SMG6: variants seen among roughly 807,000 people sequenced by gnomAD.
SMG6 encodes the protein telomerase-binding protein EST1A.
A neutral mutation model predicts 142.2 loss-of-function variants in SMG6; 66 were observed. That is an observed-to-expected ratio of 0.46 (90% confidence interval 0.38 to 0.57). The LOEUF is 0.57. Ranked by LOEUF, SMG6 falls within the 20% of genes least tolerant of loss-of-function variation. The pLI is 0.00. For synonymous variants in SMG6, 779 were observed against 702.4 expected (o/e 1.11, Z -1.72); for missense variants, 1,793 against 1,832.0 (o/e 0.98, Z 0.39).
chr17:2,194,522 C>T lies in SMG6; in HGVS notation c.2870-6007G>A, dbSNP rs192902647. ...TAGAGGTAGAAGAGGGAATGAAAAGCAGTGCACAGATATGAAAATTACCGC... is the reference window on the plus strand; with the variant it reads ...TAGAGGTAGAAGAGGGAATGAAAAGTAGTGCACAGATATGAAAATTACCGC... On this transcript the variant is annotated intron_variant, in intron 10 of 18. Transcript: ENST00000263073. Among the ~76,000 whole-genome samples, 15 of 151,978 alleles carry T rather than the reference C, an allele frequency of 9.9e-5. No homozygotes were observed. The East Asian group carries it at 2.7e-3, about 27-fold the overall frequency.
chr17:2,290,296 G>A (rs935299517), intron 6 of SMG6, among the ~76,000 whole-genome samples: 1 of 152,174 alleles, frequency 6.6e-6, no homozygotes. Context: ...AGAGAGGCCA[G>A]AAATAAACTT....
chr17:2,145,308 A>G (rs2070630614), intron 13 of SMG6, among the ~76,000 whole-genome samples: 1 of 149,134 alleles, frequency 6.7e-6, no homozygotes, highest in African/African-American at 2.5e-5. Flanking sequence ...TCCTCTTAGT[A>G]AAGACAGGGT....
chr17:2,218,895 G>C (rs1370398409), intron 10 of SMG6, among the ~76,000 whole-genome samples: 2 of 152,172 alleles, frequency 1.3e-5, no homozygotes, highest in Non-Finnish European at 2.9e-5. Context: ...GTGGGATATT[G>C]ATAGCGGAGA....
rs566764650 is a variant in SMG6, at chr17:2,285,446, A to C, written c.2338-1711T>G. Among the ~76,000 whole-genome samples the C allele has an allele frequency of 1.4e-4, 22 of 152,368 alleles. 1 individual carries two copies. In the Middle Eastern group the frequency reaches 0.014, roughly 94 times the overall value. On this transcript the variant is annotated intron_variant, in intron 6 of 18. Coordinates refer to ENST00000263073, the MANE Select transcript of SMG6 (RefSeq NM_017575.5). ...TAATTCAAATGACAAAAAGCCATTG[A>C]GGGAATTCAGCACAGTTGCAACATA... is the stretch of plus-strand genomic sequence containing the variant.
Position 2,215,230 on chromosome 17 carries a change from C to T in SMG6, c.2869+21262G>A, listed in dbSNP as rs540505328. ...CATTATAAACACACACACACGCGCG[C>T]GCACACACACACACAGACCTATAAA... is the stretch of plus-strand genomic sequence containing the variant. On this transcript the variant is annotated intron_variant, in intron 10 of 18. Coordinates refer to ENST00000263073, the MANE Select transcript of SMG6 (RefSeq NM_017575.5). Among the ~76,000 whole-genome samples the T allele has an allele frequency of 9.9e-5, 15 of 152,128 alleles. No homozygotes were observed. In the South Asian group the frequency reaches 2.3e-3, roughly 23 times the overall value.
chr17:2,138,086 A>C (rs1211112731), intron 13 of SMG6, among the ~76,000 whole-genome samples: 1 of 152,038 alleles, frequency 6.6e-6, no homozygotes, highest in Non-Finnish European at 1.5e-5. Flanking sequence ...CTGTGTCCAC[A>C]CCTGGAAAAT....
chr17:2,285,781 C>A (rs915978496), intron 6 of SMG6, among the ~76,000 whole-genome samples: 9 of 152,130 alleles, frequency 5.9e-5, no homozygotes, highest in South Asian at 2.1e-4. Context: ...TTGAGCAATT[C>A]TCCCGCCTCA....
chr17:2,240,618 T>C (rs770932078), intron 9 of SMG6, among the ~76,000 whole-genome samples: 1 of 152,214 alleles, frequency 6.6e-6, no homozygotes, highest in Non-Finnish European at 1.5e-5. Context: ...ATCTTGTAAC[T>C]AGTAAGTGGT....
intron 10 of SMG6, among the ~76,000 whole-genome samples, chr17:2,231,392 T>C (rs2073488059): frequency 6.6e-6 from 1 of 152,134 alleles, no homozygotes; most frequent in East Asian, 1.9e-4. Context: ...TCAGGATTAC[T>C]AACACCATTC....
intron 10 of SMG6, among the ~76,000 whole-genome samples, chr17:2,195,098 A>AC (rs1313144291): frequency 1.3e-5 from 2 of 152,158 alleles, no homozygotes; most frequent in Non-Finnish European, 2.9e-5. Flanking sequence ...GATATTCGGC[A>AC]CTTCATTTGT....
intron 10 of SMG6, chr17:2,213,904 A>G (rs1008162909): frequency 3.3e-5 from 5 of 152,252 alleles, no homozygotes; most frequent in Non-Finnish European, 5.9e-5. Context: ...TTAGAATTAC[A>G]GCCCATTACC....
chr17:2,277,165 ATTTTTTATTTT>A (rs201734343), intron 8 of SMG6, among the ~76,000 whole-genome samples: 5,939 of 63,300 alleles, frequency 0.094, 251 homozygotes, highest in African/African-American at 0.13. Context: ...TTATTTATTT[ATTTTTTATTTT>A]TTTTTTTTTT....
intron 4 of SMG6, among the ~76,000 whole-genome samples, chr17:2,293,891 G>A (rs12949991): frequency 0.57 from 87,277 of 152,026 alleles, 26,306 homozygotes; most frequent in East Asian, 0.75. Flanking sequence ...CATTAACAAC[G>A]TGCCACACAC....
intron 10 of SMG6, among the ~76,000 whole-genome samples, chr17:2,217,853 A>T (rs2073059998): frequency 6.6e-6 from 1 of 151,854 alleles, no homozygotes; most frequent in Non-Finnish European, 1.5e-5. Flanking sequence ...TACTAAAAAT[A>T]AAAAAAATCA....
intron 8 of SMG6, among the ~76,000 whole-genome samples, chr17:2,279,129 A>G (rs2074725625): frequency 6.6e-6 from 1 of 152,234 alleles, no homozygotes; most frequent in African/African-American, 2.4e-5. Flanking sequence ...CTCAGGGATC[A>G]GGAAACGCTT....
At chr17:2,194,334 TA>T (rs2072252643) in intron 10 of SMG6, among the ~76,000 whole-genome samples, 1 of 152,168 alleles carries the variant, frequency 6.6e-6, no homozygotes, top group African/African-American at 2.4e-5. Flanking sequence ...AAGATTAATC[TA>T]GCTAAAGCAT....
chr17:2,228,425 C>T (rs1198668716), intron 10 of SMG6, among the ~76,000 whole-genome samples: 3 of 152,114 alleles, frequency 2.0e-5, no homozygotes, highest in East Asian at 3.9e-4. Flanking sequence ...GATGGGGTTT[C>T]ACCATCTTGG....
chr17:2,065,801 G>A (rs1364963285), intron 16 of SMG6, 122 bp from the exon 17 acceptor site: 1 of 811,118 alleles, frequency 1.2e-6, no homozygotes, highest in Admixed American at 2.3e-5. Context: ...CCCCACAGGA[G>A]TCTTCCAATG....
intron 12 of SMG6, among the ~76,000 whole-genome samples, chr17:2,175,347 G>A (rs2071625161): frequency 6.6e-6 from 1 of 152,178 alleles, no homozygotes; most frequent in Non-Finnish European, 1.5e-5. Flanking sequence ...TGGGGGTGGT[G>A]TGGGCAGCAG....
Sources: allele counts gnomAD v4.1 joint callset (sites outside exome capture counted in the v4.1 genomes callset), GRCh38; gene constraint gnomAD v4.1.1; transcripts MANE v1.5; gene names NCBI Gene and HGNC (gene_info 2026-07-23, HGNC 2026-07-21).